Variants in SYNPR observed in about 807,000 individuals in gnomAD.
The protein encoded by SYNPR is synaptoporin.
A neutral mutation model predicts 32.9 loss-of-function variants in SYNPR; 23 were observed. That is an observed-to-expected ratio of 0.70 (90% CI 0.50 to 0.99). The LOEUF (loss-of-function observed/expected upper bound fraction) is 0.99, where lower values mean the gene tolerates loss of function less well. Among genes scored for constraint, SYNPR ranks in the 50% least tolerant of loss-of-function variants. The pLI is 0.00. For synonymous variants in SYNPR, 146 were observed against 135.9 expected, an observed-to-expected ratio of 1.07 and a Z score of -0.52; for missense variants, 318 against 349.3, an observed-to-expected ratio of 0.91 and a Z score of 0.71.
chr3:63,501,216 C>T (rs575465173), intron 3 of SYNPR, among the ~76,000 whole-genome samples: 81 of 152,216 alleles, frequency 5.3e-4, no homozygotes, highest in South Asian at 1.0e-3. Context: ...TGGTGGCTCA[C>T]GCCTGTAATC....
Position 63,494,393 on chromosome 3 carries a change from T to TTATATATA in SYNPR, c.209+13454_209+13461dup, listed in dbSNP as rs60624781. On this transcript the variant is annotated intron_variant, in intron 3 of 5. Transcript: ENST00000478300. ...AAAAGTAGGGTGGATATGTTAATTC[T>TTATATATA]TATATATATATATATATATATATAC... Among the ~76,000 whole-genome samples, 7 of 54,952 alleles carry TTATATATA rather than the reference T, an allele frequency of 1.3e-4. No homozygotes were observed. The East Asian group carries it at 2.1e-3, about 16-fold the overall frequency. The allele number at this position is 54,952 out of a possible 152,430, so 36.1% of individuals were successfully genotyped here.
intron 2 of SYNPR, among the ~76,000 whole-genome samples, chr3:63,429,360 C>T (rs1269400193): frequency 6.6e-6 from 1 of 152,148 alleles, no homozygotes; most frequent in African/African-American, 2.4e-5. Context: ...CAAAATATAT[C>T]CAATGGCTGT....
intron 3 of SYNPR, among the ~76,000 whole-genome samples, chr3:63,534,693 G>T (rs780436675): frequency 6.6e-6 from 1 of 152,126 alleles, no homozygotes; most frequent in Non-Finnish European, 1.5e-5. Flanking sequence ...TTGGACATTT[G>T]CATCTGGTAA....
chr3:63,372,668 T>A (rs2087833444), intron 2 of SYNPR, among the ~76,000 whole-genome samples: 1 of 152,104 alleles, frequency 6.6e-6, no homozygotes, highest in Non-Finnish European at 1.5e-5. Context: ...TAGAGCCCCA[T>A]GAGATAGGTG....
At chr3:63,359,249 T>C (rs545500128) in intron 2 of SYNPR, among the ~76,000 whole-genome samples, 1 of 152,258 alleles carries the variant, frequency 6.6e-6, no homozygotes, top group African/African-American at 2.4e-5. Flanking sequence ...TTTGATATCA[T>C]GTAGATAAAT....
chr3:63,465,813 A>G (rs906466232), intron 2 of SYNPR, among the ~76,000 whole-genome samples: 1 of 152,178 alleles, frequency 6.6e-6, no homozygotes, highest in Non-Finnish European at 1.5e-5. Context: ...CAAATGTTTC[A>G]CTTAATCTCA....
At chr3:63,240,276 T>C (rs951085714) in intron 1 of SYNPR, among the ~76,000 whole-genome samples, 3 of 152,166 alleles carry the variant, frequency 2.0e-5, no homozygotes, top group Admixed American at 2.0e-4. Flanking sequence ...AAGTTAATTA[T>C]ATTATTATAT....
In SYNPR at chr3:63,499,005, TC is replaced by T. The variant is rs373479755; in HGVS notation, c.209+18050del. On this transcript the variant is annotated intron_variant, in intron 3 of 5. Transcript: ENST00000478300. ...AAAAAAAACTACACAAGTGCCATGATCTGATTTACATATTTTAATAATTATT... is the reference window on the plus strand; with the variant it reads ...AAAAAAAACTACACAAGTGCCATGATTGATTTACATATTTTAATAATTATT... 1.2e-4 allele frequency among the ~76,000 whole-genome samples: 18 copies of T among 148,534 alleles called. No homozygotes were observed. The South Asian group carries it at 3.9e-3, about 32-fold the overall frequency.
At chr3:63,501,011 T>C (rs1169872305) in intron 3 of SYNPR, among the ~76,000 whole-genome samples, 1 of 152,142 alleles carries the variant, frequency 6.6e-6, no homozygotes, top group South Asian at 2.1e-4. Context: ...TGACATTGAA[T>C]GAAATAATGA....
chr3:63,410,907 T>C (rs1007580021), intron 2 of SYNPR, among the ~76,000 whole-genome samples: 3 of 152,160 alleles, frequency 2.0e-5, no homozygotes, highest in Non-Finnish European at 4.4e-5. Flanking sequence ...TGTTCAATAG[T>C]ACCAATGGCA....
chr3:63,575,977 CA>C (rs1031476669), intron 4 of SYNPR, among the ~76,000 whole-genome samples: 1 of 152,130 alleles, frequency 6.6e-6, no homozygotes, highest in African/African-American at 2.4e-5. Flanking sequence ...ATCCAAGTGT[CA>C]TTTTTTTATT....
chr3:63,607,168 G>T, intron 4 of SYNPR, among the ~76,000 whole-genome samples: 1 of 151,984 alleles, frequency 6.6e-6, no homozygotes, highest in East Asian at 1.9e-4. Context: ...ATGCTTTAAG[G>T]TAACTGTGGG....
intron 2 of SYNPR, among the ~76,000 whole-genome samples, chr3:63,325,088 A>C (rs2106973769): frequency 6.6e-6 from 1 of 152,238 alleles, no homozygotes. Flanking sequence ...TTCTGCATTT[A>C]TATCCTCTTC....
At chr3:63,542,594 A>G (rs959712079) in intron 3 of SYNPR, among the ~76,000 whole-genome samples, 1 of 152,140 alleles carries the variant, frequency 6.6e-6, no homozygotes, top group African/African-American at 2.4e-5. Flanking sequence ...AGGAGCATTT[A>G]TAACTTTAGA....
At chr3:63,387,381 C>A (rs1043794185) in intron 2 of SYNPR, among the ~76,000 whole-genome samples, 1 of 152,130 alleles carries the variant, frequency 6.6e-6, no homozygotes, top group Admixed American at 6.5e-5. Context: ...TATCTCTTAA[C>A]CTTTAGAATT....
rs72878259 is a variant in SYNPR at position 63,255,584 on chromosome 3, G to A, written n.154+2998G>A. 8.9e-4 allele frequency among the ~76,000 whole-genome samples: 136 copies of A among 152,290 alleles called. 1 individual carries two copies. The highest frequency in any genetic ancestry group is 1.7e-3 in the Non-Finnish European group (116 of 68,026). On this transcript the variant is annotated intron_variant and non_coding_transcript_variant, in intron 2 of 4. Coordinates refer to the SYNPR transcript ENST00000478456. ...TTTGCTATCATTCATTCCATCAGTG[G>A]CAGAGGTGAGATTAATAACTCATGA...
In SYNPR at chr3:63,419,385, G is replaced by T. The variant is rs1296737551; in HGVS notation, c.85-61447G>T. Among the ~76,000 whole-genome samples, 3 of 152,304 alleles carry T rather than the reference G, an allele frequency of 2.0e-5. No individual in the cohort carries two copies. In the East Asian group the frequency reaches 5.8e-4, roughly 29 times the overall value. On this transcript the variant is annotated intron_variant, in intron 2 of 5. Coordinates refer to ENST00000478300, the MANE Select transcript of SYNPR (RefSeq NM_001130003.2). ...GATACCAAATACTTAGAGTTGGAAA[G>T]CATGTCCCTCTTGGGCAAAGGGTTG...
At chr3:63,409,676 T>C (rs984911205) in intron 2 of SYNPR, among the ~76,000 whole-genome samples, 4 of 152,208 alleles carry the variant, frequency 2.6e-5, no homozygotes, top group Non-Finnish European at 4.4e-5. Flanking sequence ...GTGTGATTCA[T>C]TGTCTTCACA....
chr3:63,474,735 C>T (rs888724259), intron 2 of SYNPR, among the ~76,000 whole-genome samples: 3 of 152,158 alleles, frequency 2.0e-5, no homozygotes, highest in South Asian at 2.1e-4. Flanking sequence ...GTCTCAGTCT[C>T]CAAACTGAGT....
Sources: allele counts gnomAD v4.1 joint callset (sites outside exome capture counted in the v4.1 genomes callset), GRCh38; gene constraint gnomAD v4.1.1; transcripts MANE v1.5; gene names NCBI Gene and HGNC (gene_info 2026-07-23, HGNC 2026-07-21).